The following ZNF385B variants were observed in gnomAD, a reference collection of about 807,000 sequenced individuals.
ZNF385B encodes zinc finger protein 533.
A neutral mutation model predicts 39.2 loss-of-function variants in ZNF385B; 23 were observed. The observed-to-expected ratio is 0.59, with a 90% CI of 0.42 to 0.83. ZNF385B has a LOEUF of 0.83. ZNF385B is among the 40% of genes least tolerant of loss of function. The pLI, the probability that ZNF385B is intolerant of heterozygous loss-of-function variation, is 0.00. For missense variants in ZNF385B, 552 were observed against 598.9 expected, an observed-to-expected ratio of 0.92 and a Z score of 0.82; for synonymous variants, 205 against 222.6, an observed-to-expected ratio of 0.92 and a Z score of 0.70.
intron 5 of ZNF385B, among the ~76,000 whole-genome samples, chr2:179,488,302 G>A (rs1472078850): frequency 1.3e-5 from 2 of 152,046 alleles, no homozygotes; most frequent in East Asian, 1.9e-4. Flanking sequence ...GTGCCACCAC[G>A]CCCGGCTAAT....
At chr2:179,482,986 G>A (rs13405816) in intron 6 of ZNF385B, among the ~76,000 whole-genome samples, 2,956 of 151,530 alleles carry the variant, frequency 0.02, 92 homozygotes, top group African/African-American at 0.067. Context: ...TGAACACATT[G>A]TGATCAAGTA....
At chr2:179,447,926 A>G (rs1408240611) in intron 6 of ZNF385B, among the ~76,000 whole-genome samples, 1 of 151,818 alleles carries the variant, frequency 6.6e-6, no homozygotes, top group Non-Finnish European at 1.5e-5. Context: ...CTACTAAAAT[A>G]TTACATAAAG....
intron 3 of ZNF385B, among the ~76,000 whole-genome samples, chr2:179,699,244 C>T (rs145142438): frequency 6.6e-6 from 1 of 152,184 alleles, no homozygotes; most frequent in East Asian, 1.9e-4. Flanking sequence ...TTTTCTCAAA[C>T]TGAAACTCAC....
chr2:179,716,671 A>C (rs1700351373), intron 3 of ZNF385B, among the ~76,000 whole-genome samples: 1 of 152,194 alleles, frequency 6.6e-6, no homozygotes, highest in Admixed American at 6.5e-5. Flanking sequence ...AGTTGCTTTT[A>C]ACCAACAGAA....
At chr2:179,746,052 C>G (rs758109321) in intron 3 of ZNF385B, 3 of 1,061,472 alleles carry the variant, frequency 2.8e-6, no homozygotes, top group Non-Finnish European at 3.4e-6. Flanking sequence ...TGTCAATGTA[C>G]AAGTCTGAGG....
intron 3 of ZNF385B, among the ~76,000 whole-genome samples, chr2:179,610,681 A>G (rs1042038532): frequency 2.6e-5 from 4 of 152,180 alleles, no homozygotes; most frequent in Non-Finnish European, 4.4e-5. Context: ...ATTCCAATCC[A>G]TGAACATGAA....
At chr2:179,539,415 T>A (rs1046998725) in intron 4 of ZNF385B, among the ~76,000 whole-genome samples, 2 of 152,200 alleles carry the variant, frequency 1.3e-5, no homozygotes, top group African/African-American at 4.8e-5. Flanking sequence ...TGAGGGGACA[T>A]AAACATTCAG....
Position 179,769,610 on chromosome 2 carries a change from G to C in ZNF385B, c.191C>G (p.Ala64Gly), listed in dbSNP as rs1331675770. ...CNIQLNSAAQ[A>G]QVHSNGKSHR... is the part of the protein sequence containing the mutation. ...GGATTTGCCGTTGGAATGCACCTGAGCCTGGGCTGCAGAGTTCAGCTGGAT... is the reference window on the plus strand; with the variant it reads ...GGATTTGCCGTTGGAATGCACCTGACCCTGGGCTGCAGAGTTCAGCTGGAT... The change falls in exon 3 of 10, where the codon GCT (alanine) becomes GGT (glycine). Residue 64 changes from alanine (A) to glycine (G), a missense_variant. By Grantham distance (60) the Ala-to-Gly change is moderately conservative (BLOSUM62 0). Coordinates refer to ENST00000410066, the MANE Select transcript of ZNF385B (RefSeq NM_152520.6). 6.2e-7 allele frequency: 1 copy of C among 1,614,134 alleles called. No homozygotes were observed. The highest frequency in any genetic ancestry group is 1.7e-5 in the Admixed American group (1 of 60,030).
intron 3 of ZNF385B, among the ~76,000 whole-genome samples, chr2:179,697,764 T>C: frequency 6.6e-6 from 1 of 152,188 alleles, no homozygotes; most frequent in East Asian, 1.9e-4. Flanking sequence ...AATTGTACAG[T>C]TGAATTCTGT....
intron 3 of ZNF385B, among the ~76,000 whole-genome samples, chr2:179,714,961 A>AAAAAAAAAAAAAAAAAAAAAAC (rs1553516033): frequency 6.6e-6 from 1 of 150,614 alleles, no homozygotes. Flanking sequence ...AAAAAAAAAA[A>AAAAAAAAAAAAAAAAAAAAAAC]CAGTTTCCTG....
In ZNF385B at chr2:179,774,431, G is replaced by T. The variant is rs189345079; in HGVS notation, c.-154-3759C>A. ...GCTGGAGTGTAGTGGTGCCATCTTG[G>T]CTCATTGCAACCTCTGCCTCCTGGG... On this transcript the variant is annotated intron_variant, in intron 1 of 9. Coordinates refer to ENST00000410066, the MANE Select transcript of ZNF385B (RefSeq NM_152520.6). Among the ~76,000 whole-genome samples, 562 of 152,050 alleles carry T rather than the reference G, an allele frequency of 3.7e-3. 5 individuals are homozygous for T. The highest frequency in any genetic ancestry group is 0.013 in the African/African-American group (532 of 41,456).
chr2:179,713,192 G>A (rs1700116146), intron 3 of ZNF385B, among the ~76,000 whole-genome samples: 1 of 152,158 alleles, frequency 6.6e-6, no homozygotes, highest in African/African-American at 2.4e-5. Context: ...CACCTAAGAT[G>A]GGTTTTTGGG....
intron 6 of ZNF385B, among the ~76,000 whole-genome samples, chr2:179,451,402 G>A (rs2050140824): frequency 6.6e-6 from 1 of 152,012 alleles, no homozygotes; most frequent in Admixed American, 6.6e-5. Flanking sequence ...CTGGCAACAA[G>A]TGTAATGGGA....
intron 4 of ZNF385B, among the ~76,000 whole-genome samples, chr2:179,531,618 T>C (rs1035137929): frequency 2.0e-5 from 3 of 152,010 alleles, no homozygotes; most frequent in Non-Finnish European, 4.4e-5. Flanking sequence ...CTGGGTGACA[T>C]AGTGAGACTC....
At chr2:179,546,139 G>A (rs77327223) in intron 3 of ZNF385B, among the ~76,000 whole-genome samples, 2,635 of 152,146 alleles carry the variant, frequency 0.017, 28 homozygotes, top group Non-Finnish European at 0.028. Context: ...GGGCTCTGGT[G>A]AGCCCCCAAC....
At chr2:179,695,995 GAAAGA>G (rs1188924651) in intron 3 of ZNF385B, among the ~76,000 whole-genome samples, 1 of 152,214 alleles carries the variant, frequency 6.6e-6, no homozygotes, top group African/African-American at 2.4e-5. Context: ...TACGCTAAAT[GAAAGA>G]AGTCAGTCAC....
chr2:179,588,037 C>T (rs115296599), intron 3 of ZNF385B, among the ~76,000 whole-genome samples: 1 of 152,244 alleles, frequency 6.6e-6, no homozygotes, highest in African/African-American at 2.4e-5. Context: ...TTTGTCAATG[C>T]CAGTTTCTAA....
At position 179,612,433 on chromosome 2, in the gene ZNF385B, T is replaced by C. The variant is rs77144312; in HGVS notation, c.299-67464A>G. On this transcript the variant is annotated intron_variant, in intron 3 of 9. Transcript: ENST00000410066. ...AAGTTTTTGGTCTCTGCAGCCTGTC[T>C]GAATTAAGGGGCACTCCAAGCCCAG... 3.1e-3 allele frequency among the ~76,000 whole-genome samples: 469 copies of C among 152,118 alleles called. 4 individuals are homozygous for C. Among genetic ancestry groups the C allele is most frequent in the African/African-American group, 0.011 (453 of 41,500 alleles).
At chr2:179,834,541 G>A (rs1424345671) in intron 1 of ZNF385B, among the ~76,000 whole-genome samples, 1 of 152,172 alleles carries the variant, frequency 6.6e-6, no homozygotes, top group Non-Finnish European at 1.5e-5. Context: ...CGAAAGACGG[G>A]GGGAAAGTTT....
Sources: gnomAD v4.1 joint callset for allele counts (sites outside exome capture counted in the v4.1 genomes callset) on GRCh38, gnomAD v4.1.1 for gene constraint, MANE v1.5 for transcripts, NCBI Gene and HGNC (gene_info 2026-07-23, HGNC 2026-07-21) for gene names.